The following RPL36AL variants were observed in gnomAD, a reference collection of about 807,000 sequenced individuals.
RPL36AL encodes ribosomal protein L36a like.
RPL36AL carries 8 observed loss-of-function variants against 7.9 expected under a neutral mutation model. The observed-to-expected ratio is 1.02, with a 90% CI of 0.60 to 1.84. The LOEUF (loss-of-function observed/expected upper bound fraction) is 1.84. RPL36AL is among the 40% of genes most tolerant of loss of function. The probability of loss-of-function intolerance (pLI) is 0.00; values close to 1 mark genes in which losing one functional copy is unlikely to be tolerated. For synonymous variants in RPL36AL, 44 were observed against 44.8 expected, an observed-to-expected ratio of 0.98 and a Z score of 0.07; for missense variants, 76 against 126.8, an observed-to-expected ratio of 0.60 and a Z score of 1.93.
chr14:49,618,710 T>C lies in RPL36AL; in HGVS notation c.*74A>G. 7.9e-7 allele frequency: 1 copy of C among 1,264,478 alleles called. No individual in the cohort carries two copies. Among genetic ancestry groups the C allele is most frequent in the Non-Finnish European group, 1.1e-6 (1 of 897,610 alleles). 78.3% of individuals were successfully genotyped at this position (1,264,478 alleles called of 1,614,324 possible). ...AAGTTTGCGTAAGAATATCACTGTA[T>C]TTATTTTCCCTCGGGTAACTTTTCT... On this transcript the variant is annotated 3_prime_UTR_variant, in exon 2 of 2. Coordinates refer to ENST00000298289, the MANE Select transcript of RPL36AL (RefSeq NM_001001.5).
intron 1 of RPL36AL, among the ~76,000 whole-genome samples, chr14:49,619,395 C>T (rs1882765240): frequency 6.6e-6 from 1 of 152,158 alleles, no homozygotes; most frequent in South Asian, 2.1e-4. Flanking sequence ...TGCTTGTAAT[C>T]CCAGCACTTT....
intron 1 of RPL36AL, among the ~76,000 whole-genome samples, chr14:49,619,817 C>A (rs1882780508): frequency 6.6e-6 from 1 of 152,076 alleles, no homozygotes; most frequent in African/African-American, 2.4e-5. Context: ...ATAACACAAG[C>A]GATTGATTGG....
intron 1 of RPL36AL, among the ~76,000 whole-genome samples, chr14:49,620,018 A>G (rs1174080547): frequency 1.3e-5 from 2 of 152,140 alleles, no homozygotes; most frequent in Non-Finnish European, 2.9e-5. Context: ...CTTTTCTCAT[A>G]TAGAACAAGA....
rs191830376 is a variant in RPL36AL at position 49,620,590 on chromosome 14, T to C, written c.-65A>G. ...GAAACAGCGCCCGACACCTGGCCCT[T>C]CGCAGCTCTCGCCTTTCGCAGCTCT... is the stretch of plus-strand genomic sequence containing the variant. On this transcript the variant is annotated 5_prime_UTR_variant, in exon 1 of 2. Transcript: ENST00000298289. 727 of 203,070 alleles carry C rather than the reference T, an allele frequency of 3.6e-3. 10 individuals carry two copies. The highest frequency in any genetic ancestry group is 0.016 in the African/African-American group (690 of 43,120). 12.6% of individuals were successfully genotyped at this position (203,070 alleles called of 1,614,324 possible).
At position 49,619,142 on chromosome 14, in the gene RPL36AL, T is replaced by G; in HGVS notation, c.-36-2A>C. 6.5e-7 allele frequency: 1 copy of G among 1,528,962 alleles called. No homozygotes were observed. The highest frequency in any genetic ancestry group is 8.8e-7 in the Non-Finnish European group (1 of 1,132,520). 94.7% of individuals were successfully genotyped at this position (1,528,962 alleles called of 1,614,324 possible). On this transcript the variant is annotated splice_acceptor_variant, in intron 1 of 1. Coordinates refer to ENST00000298289, the MANE Select transcript of RPL36AL (RefSeq NM_001001.5). LOFTEE classifies it low-confidence loss of function (5UTR_SPLICE). ...GCTGTTTTGTCTATATGATGAAAACTGTAGTAAAATATTTAAAATAAGATA... is the reference window on the plus strand; with the variant it reads ...GCTGTTTTGTCTATATGATGAAAACGGTAGTAAAATATTTAAAATAAGATA...
chr14:49,618,736 A>G lies in RPL36AL; in HGVS notation c.*48T>C. 6.7e-7 allele frequency: 1 copy of G among 1,493,554 alleles called. No individual in the cohort carries two copies. The highest frequency in any genetic ancestry group is 2.3e-5 in the East Asian group (1 of 44,184). The allele number at this position is 1,493,554 out of a possible 1,614,324, so 92.5% of individuals were successfully genotyped here. On this transcript the variant is annotated 3_prime_UTR_variant, in exon 2 of 2. Transcript: ENST00000298289. The stretch of plus-strand genomic sequence containing the variant: ...TTATTTTCCCTCGGGTAACTTTTCT[A>G]TGGCTTCACCATTTTCTCTTCAAAA...
chr14:49,620,609 C>G lies in RPL36AL; in HGVS notation c.-84G>C, dbSNP rs570889863. Reference sequence around the variant, plus strand: ...GGCCCTTCGCAGCTCTCGCCTTTCGCAGCTCTCGCCTAACAGGAAAGGGAA... The same window carrying G: ...GGCCCTTCGCAGCTCTCGCCTTTCGGAGCTCTCGCCTAACAGGAAAGGGAA... On this transcript the variant is annotated 5_prime_UTR_variant, in exon 1 of 2. Transcript: ENST00000298289. The G allele has an allele frequency of 3.9e-5, 9 of 229,190 alleles. No homozygotes were observed. The South Asian group carries it at 9.4e-4, about 24-fold the overall frequency. 14.2% of individuals were successfully genotyped at this position (229,190 alleles called of 1,614,324 possible).
At position 49,618,863 on chromosome 14, in the gene RPL36AL, C is replaced by T. The variant is rs779049131; in HGVS notation, c.242G>A (p.Arg81Lys). 1.9e-6 allele frequency: 3 copies of T among 1,612,466 alleles called. No homozygotes were observed. Among genetic ancestry groups the T allele is most frequent in the Non-Finnish European group, 1.7e-6 (2 of 1,179,854 alleles). The change falls in exon 2 of 2, where the codon AGG becomes AAG. Residue 81 changes from arginine (R) to lysine (K), a missense_variant. By Grantham distance (26) the Arg-to-Lys change is conservative. Transcript: ENST00000298289. Reference protein sequence around the residue: ...ECVEPNCRSKRMLAIKRCKHF... With the variant: ...ECVEPNCRSKKMLAIKRCKHF... ...CTTGCATCTCTTAATGGCCAGCATCCTCTTGGATCTGCAGTTAGGCTCAAC... is the reference window on the plus strand; with the variant it reads ...CTTGCATCTCTTAATGGCCAGCATCTTCTTGGATCTGCAGTTAGGCTCAAC...
At position 49,618,762 on chromosome 14, in the gene RPL36AL, T is replaced by C. The variant is rs769049387; in HGVS notation, c.*22A>G. ...TGGCTTCACCATTTTCTCTTCAAAA[T>C]TGAAGAAAAATATCCCAAAGTTTAG... On this transcript the variant is annotated 3_prime_UTR_variant, in exon 2 of 2. Coordinates refer to ENST00000298289, the MANE Select transcript of RPL36AL (RefSeq NM_001001.5). 1.6e-5 allele frequency: 26 copies of C among 1,587,862 alleles called. No individual in the cohort carries two copies. The highest frequency in any genetic ancestry group is 8.9e-5 in the East Asian group (4 of 44,714).
In RPL36AL at chr14:49,618,894, C is replaced by A; in HGVS notation, c.211G>T (p.Glu71Ter). Residue 71 changes from glutamate (E) to a stop codon, truncating the protein, a stop_gained, in exon 2 of 2, where the codon GAA becomes TAA. Transcript: ENST00000298289. LOFTEE classifies it high-confidence loss of function. Reference sequence around the variant, plus strand: ...GATCTGCAGTTAGGCTCAACACATTCCAGCCTTAGCACAATCTTCTTTGTG... The same window carrying A: ...GATCTGCAGTTAGGCTCAACACATTACAGCCTTAGCACAATCTTCTTTGTG... ...KTTKKIVLRL[E>*]CVEPNCRSKR... The A allele has an allele frequency of 1.2e-6, 2 of 1,612,824 alleles. No homozygotes were observed. The highest frequency in any genetic ancestry group is 1.7e-6 in the Non-Finnish European group (2 of 1,179,838).
intron 1 of RPL36AL, 22 bp from the exon 2 acceptor site, chr14:49,619,162 A>C (rs1180971037): frequency 6.8e-7 from 1 of 1,472,876 alleles, no homozygotes; most frequent in African/African-American, 1.4e-5. Flanking sequence ...TATTTAAAAT[A>C]AGATAGCAGA....
chr14:49,619,698 T>G (rs1882777062), intron 1 of RPL36AL, among the ~76,000 whole-genome samples: 1 of 152,118 alleles, frequency 6.6e-6, no homozygotes, highest in African/African-American at 2.4e-5. Flanking sequence ...GTTTGAGGAT[T>G]GCAACCCAGA....
Position 49,618,852 on chromosome 14 carries a change from T to C in RPL36AL, c.253A>G (p.Ile85Val), listed in dbSNP as rs767309725. 6.2e-7 allele frequency: 1 copy of C among 1,612,392 alleles called. No homozygotes were observed. Residue 85 changes from isoleucine to valine, a missense_variant, in exon 2 of 2, where the codon ATT becomes GTT. Coordinates refer to ENST00000298289, the MANE Select transcript of RPL36AL (RefSeq NM_001001.5). The stretch of plus-strand genomic sequence containing the variant: ...AGTTCAAAATGCTTGCATCTCTTAA[T>C]GGCCAGCATCCTCTTGGATCTGCAG... ...PNCRSKRMLA[I>V]KRCKHFELGG...
intron 1 of RPL36AL, among the ~76,000 whole-genome samples, chr14:49,620,120 G>C (rs938015745): frequency 2.6e-5 from 4 of 152,208 alleles, no homozygotes; most frequent in Admixed American, 6.5e-5. Context: ...TGCTCCAAAA[G>C]AAAAGTGCGG....
In RPL36AL at chr14:49,619,083, G is replaced by A. The variant is rs140884427; in HGVS notation, c.22C>T (p.Arg8Ter). 151 of 1,611,594 alleles carry A rather than the reference G, an allele frequency of 9.4e-5. No individual in the cohort carries two copies. Among genetic ancestry groups the A allele is most frequent in the Non-Finnish European group, 1.2e-4 (138 of 1,178,036 alleles). Residue 8 changes from arginine (R) to a stop codon, truncating the protein, a stop_gained, in exon 2 of 2, where the codon CGA (arginine) becomes TGA (stop). Transcript: ENST00000298289. LOFTEE classifies it high-confidence loss of function. ...CCACACTTCTTACAGAAGGTTCTTC[G>A]GGTTTTAGGTACGTTGACCATCTTT... Reference protein sequence around the residue: MVNVPKTRRTFCKKCGKH... With the variant: MVNVPKT
At position 49,618,567 on chromosome 14, in the gene RPL36AL, C is replaced by A. The variant is rs1882734121; in HGVS notation, c.*217G>T. On this transcript the variant is annotated 3_prime_UTR_variant, in exon 2 of 2. Transcript: ENST00000298289. Reference sequence around the variant, plus strand: ...AATTCATTCAACATTTGAAATTGACCAGAAAACAAAAAGTAGTAAAGTAGT... The same window carrying A: ...AATTCATTCAACATTTGAAATTGACAAGAAAACAAAAAGTAGTAAAGTAGT... 1.9e-6 allele frequency: 1 copy of A among 537,252 alleles called. No homozygotes were observed. Among genetic ancestry groups the A allele is most frequent in the South Asian group, 2.3e-5 (1 of 42,670 alleles). The allele number at this position is 537,252 out of a possible 1,614,324, so 33.3% of individuals were successfully genotyped here.
In RPL36AL at chr14:49,619,073, A is replaced by T; in HGVS notation, c.32T>A (p.Phe11Tyr). 1 of 1,612,840 alleles carries T rather than the reference A, an allele frequency of 6.2e-7. No individual in the cohort carries two copies. Among genetic ancestry groups the T allele is most frequent in the Non-Finnish European group, 8.5e-7 (1 of 1,178,956 alleles). The change falls in exon 2 of 2, where the codon TTC becomes TAC. Residue 11 changes from phenylalanine to tyrosine, a missense_variant. By Grantham distance (22) the Phe-to-Tyr change is conservative (BLOSUM62 3). Coordinates refer to ENST00000298289, the MANE Select transcript of RPL36AL (RefSeq NM_001001.5). MVNVPKTRRT[F>Y]CKKCGKHQPH... ...CTGATGCTTGCCACACTTCTTACAG[A>T]AGGTTCTTCGGGTTTTAGGTACGTT...
rs1293424174 is a variant in RPL36AL, at chr14:49,618,682, A to C, written c.*102T>G. On this transcript the variant is annotated 3_prime_UTR_variant, in exon 2 of 2. Coordinates refer to ENST00000298289, the MANE Select transcript of RPL36AL (RefSeq NM_001001.5). ...AATTCTATTTATAAGTAAAAACCAC[A>C]AAAAGTTTGCGTAAGAATATCACTG... 1 of 968,180 alleles carries C rather than the reference A, an allele frequency of 1.0e-6. No individual in the cohort carries two copies. The highest frequency in any genetic ancestry group is 1.5e-6 in the Non-Finnish European group (1 of 646,708). The allele number at this position is 968,180 out of a possible 1,614,324, so 60.0% of individuals were successfully genotyped here.
At chr14:49,619,327 A>C (rs1284386789) in intron 1 of RPL36AL, among the ~76,000 whole-genome samples, 187 bp from the exon 2 acceptor site, 1 of 152,220 alleles carries the variant, frequency 6.6e-6, no homozygotes, top group African/African-American at 2.4e-5. Context: ...CGTTTAAATT[A>C]CTGGAGGACT....
Sources: allele counts gnomAD v4.1 joint callset (sites outside exome capture counted in the v4.1 genomes callset), GRCh38; gene constraint gnomAD v4.1.1; transcripts MANE v1.5; gene names NCBI Gene and HGNC (gene_info 2026-07-23, HGNC 2026-07-21).